Variants in NEK9 observed in about 807,000 individuals in gnomAD.
NEK9 encodes the protein serine/threonine-protein kinase Nek9.
A neutral mutation model predicts 123.4 loss-of-function variants in NEK9; 75 were observed. The observed-to-expected ratio is 0.61, with a 90% CI of 0.50 to 0.74. The LOEUF is 0.74. Among genes scored for constraint, NEK9 ranks in the 30% least tolerant of loss-of-function variants. NEK9 has a pLI of 0.00. For synonymous variants in NEK9, 438 were observed against 458.7 expected, an observed-to-expected ratio of 0.95 and a Z score of 0.58; for missense variants, 952 against 1,214.4, an observed-to-expected ratio of 0.78 and a Z score of 3.21.
chr14:75,125,517 TCTAGTC>T (rs1468739850), intron 1 of NEK9, among the ~76,000 whole-genome samples: 2 of 152,206 alleles, frequency 1.3e-5, no homozygotes, highest in African/African-American at 4.8e-5. Context: ...AGACTTTAGT[TCTAGTC>T]CAAGATTTAC....
intron 17 of NEK9, among the ~76,000 whole-genome samples, chr14:75,096,175 C>T (rs1270330951): frequency 6.0e-5 from 9 of 148,928 alleles, no homozygotes; most frequent in Admixed American, 4.1e-4. Context: ...CCCAGCTACT[C>T]GAGAGACTGA....
Position 75,083,120 on chromosome 14 carries a change from T to C in NEK9, c.*1444A>G. ...AGACCTCCCACAATGTTGATAAGAT[T>C]ATCAAACATTTTGGTCTGGGGAAGA... On this transcript the variant is annotated 3_prime_UTR_variant, in exon 22 of 22. Coordinates refer to ENST00000238616, the MANE Select transcript of NEK9 (RefSeq NM_033116.6). The C allele has an allele frequency of 2.5e-6, 1 of 398,620 alleles. No individual in the cohort carries two copies. 24.7% of individuals were successfully genotyped at this position (398,620 alleles called of 1,614,324 possible). A position where few individuals can be genotyped will look rare whatever the true frequency, so the allele number is the denominator to read the frequency against.
intron 1 of NEK9, among the ~76,000 whole-genome samples, chr14:75,125,631 GT>G (rs1327092933): frequency 6.6e-6 from 1 of 152,092 alleles, no homozygotes; most frequent in East Asian, 1.9e-4. Flanking sequence ...CTCATTTTGA[GT>G]GCAAAAAAGA....
intron 18 of NEK9, among the ~76,000 whole-genome samples, chr14:75,091,863 G>A (rs1363691859): frequency 6.6e-6 from 1 of 152,094 alleles, no homozygotes; most frequent in South Asian, 2.1e-4. Flanking sequence ...ATCCTCCATA[G>A]ACACTTATCT....
intron 17 of NEK9, 47 bp downstream of exon 17, chr14:75,097,053 C>T (rs771264216): frequency 6.5e-7 from 1 of 1,540,742 alleles, no homozygotes; most frequent in African/African-American, 1.4e-5. Context: ...GATGTGGGTC[C>T]ATCCTCTGTC....
intron 10 of NEK9, among the ~76,000 whole-genome samples, chr14:75,108,018 T>A (rs894145324): frequency 6.6e-6 from 1 of 152,172 alleles, no homozygotes; most frequent in African/African-American, 2.4e-5. Context: ...AGAAGTTTCA[T>A]AAATTTTGGT....
chr14:75,125,599 T>C (rs955358651), intron 1 of NEK9, among the ~76,000 whole-genome samples: 4 of 152,206 alleles, frequency 2.6e-5, no homozygotes, highest in African/African-American at 9.6e-5. Flanking sequence ...AATATAGAAA[T>C]AACAATCCTT....
chr14:75,109,836 G>A lies in NEK9; in HGVS notation c.1031C>T (p.Ser344Leu). ...CCAAACATAGACTTCACTGGTTCGT[G>A]ATGTTACTACAGCAATGGGTGCTTC... ...VTEAPIAVVT[S>L]RTSEVYVWGG... The change falls in exon 10 of 22, where the codon TCA becomes TTA. Residue 344 changes from serine to leucine, a missense_variant. By Grantham distance (145) the Ser-to-Leu change is moderately radical (BLOSUM62 -2). Transcript: ENST00000238616. 6.2e-7 allele frequency: 1 copy of A among 1,613,854 alleles called. No homozygotes were observed. Among genetic ancestry groups the A allele is most frequent in the Non-Finnish European group, 8.5e-7 (1 of 1,179,942 alleles).
rs571335917 is a variant in NEK9, at chr14:75,084,693, G to A, written c.2818-7C>T. On this transcript the variant is annotated splice_polypyrimidine_tract_variant and splice_region_variant and intron_variant, in intron 21 of 21. Transcript: ENST00000238616. ...CTTTGGAATGCATCCCCACCTGTCC[G>A]GATAAAACACGGTTCCACATTAGCA... 25 of 1,613,784 alleles carry A rather than the reference G, an allele frequency of 1.5e-5. No individual in the cohort carries two copies. The highest frequency in any genetic ancestry group is 1.2e-4 in the South Asian group (11 of 91,054).
At chr14:75,098,081 G>A (rs1894447823) in intron 16 of NEK9, among the ~76,000 whole-genome samples, 1 of 152,168 alleles carries the variant, frequency 6.6e-6, no homozygotes, top group African/African-American at 2.4e-5. Context: ...GAGAACTGAT[G>A]GCAGGGGAGC....
intron 21 of NEK9, chr14:75,086,633 C>G (rs566763944): frequency 5.5e-6 from 1 of 181,062 alleles, no homozygotes; most frequent in South Asian, 1.3e-4. Context: ...ATCGGCCAGG[C>G]GTGGTGGCTC....
chr14:75,105,929 A>G (rs762230661), intron 13 of NEK9, 21 bp downstream of exon 13: 2 of 1,600,442 alleles, frequency 1.2e-6, no homozygotes, highest in Admixed American at 1.7e-5. Context: ...GGTTTTAGAA[A>G]TAAGTTGCTT....
At chr14:75,093,344 T>C (rs921939936) in intron 18 of NEK9, among the ~76,000 whole-genome samples, 6 of 152,396 alleles carry the variant, frequency 3.9e-5, no homozygotes, top group East Asian at 3.9e-4. Flanking sequence ...CTTCCTTCTC[T>C]GGCCTCCTAC....
At chr14:75,107,277 T>C (rs1229598818) in intron 11 of NEK9, 66 bp downstream of exon 11, 1 of 1,512,846 alleles carries the variant, frequency 6.6e-7, no homozygotes, top group Non-Finnish European at 9.0e-7. Context: ...CAACTAAGAT[T>C]GCACAGCATT....
Position 75,114,325 on chromosome 14 carries a change from T to C in NEK9, c.763-12A>G, listed in dbSNP as rs566721223. ...AGGTTAAGTGGGTTCTATGAGAAAA[T>C]GATGACTGCATTGTTCCTGGTTATA... On this transcript the variant is annotated splice_polypyrimidine_tract_variant and intron_variant, in intron 6 of 21. Transcript: ENST00000238616. The C allele has an allele frequency of 3.1e-6, 5 of 1,589,704 alleles. No individual in the cohort carries two copies. The highest frequency in any genetic ancestry group is 2.7e-5 in the African/African-American group (2 of 74,560).
intron 6 of NEK9, among the ~76,000 whole-genome samples, chr14:75,115,948 A>T (rs1895127843): frequency 6.6e-6 from 1 of 152,246 alleles, no homozygotes; most frequent in South Asian, 2.1e-4. Flanking sequence ...TTTTTAACAG[A>T]TAAACATTTT....
Position 75,086,816 on chromosome 14 carries a change from G to C in NEK9, c.2817+202C>G, listed in dbSNP as rs1022589086. The C allele has an allele frequency of 1.1e-4, 56 of 530,872 alleles. 1 individual carries two copies. The highest frequency in any genetic ancestry group is 7.9e-4 in the South Asian group (39 of 49,250). The allele number at this position is 530,872 out of a possible 1,614,324, so 32.9% of individuals were successfully genotyped here. A position where few individuals can be genotyped will look rare whatever the true frequency, so the allele number is the denominator to read the frequency against. Reference sequence around the variant, plus strand: ...AGCTACTCGGGAGGCTGAGGCAGGAGAATTGCTTGAATCCGGGAGGCGGAG... The same window carrying C: ...AGCTACTCGGGAGGCTGAGGCAGGACAATTGCTTGAATCCGGGAGGCGGAG... On this transcript the variant is annotated intron_variant, in intron 21 of 21. Transcript: ENST00000238616.
At chr14:75,094,424 G>A (rs183217208) in intron 18 of NEK9, among the ~76,000 whole-genome samples, 26 of 152,312 alleles carry the variant, frequency 1.7e-4, no homozygotes, top group Non-Finnish European at 2.9e-5. Context: ...CTGAGTACCT[G>A]GGACTAACGG....
At chr14:75,113,820 A>G (rs529180448) in intron 7 of NEK9, among the ~76,000 whole-genome samples, 12 of 152,320 alleles carry the variant, frequency 7.9e-5, no homozygotes, top group Admixed American at 6.5e-5. Context: ...CATACTTTGA[A>G]TAATACTAGA....
Sources: allele counts gnomAD v4.1 joint callset (sites outside exome capture counted in the v4.1 genomes callset), GRCh38; gene constraint gnomAD v4.1.1; transcripts MANE v1.5; gene names NCBI Gene and HGNC (gene_info 2026-07-23, HGNC 2026-07-21).